The following GON4L variants were observed in gnomAD, a reference collection of about 807,000 sequenced individuals.
The protein encoded by GON4L is gon-4 like.
In GON4L, 87 loss-of-function variants were observed where a neutral mutation model predicts 211.8. The observed-to-expected ratio is 0.41, with a 90% CI of 0.35 to 0.49. The LOEUF (loss-of-function observed/expected upper bound fraction) is 0.49. Ranked by LOEUF, GON4L falls within the 20% of genes least tolerant of loss-of-function variation. The pLI is 0.15. For synonymous variants in GON4L, 875 were observed against 962.6 expected (o/e 0.91, Z 1.68); for missense variants, 2,155 against 2,659.5 (o/e 0.81, Z 4.17).
At chr1:155,809,321 T>C (rs1667461353) in intron 10 of GON4L, among the ~76,000 whole-genome samples, 1 of 152,060 alleles carries the variant, frequency 6.6e-6, no homozygotes, top group Admixed American at 6.6e-5. Context: ...ATAGTCTATC[T>C]CTCCTCAACA....
intron 10 of GON4L, among the ~76,000 whole-genome samples, chr1:155,807,129 A>G (rs999684773): frequency 1.3e-5 from 2 of 151,166 alleles, no homozygotes; most frequent in African/African-American, 4.9e-5. Flanking sequence ...ACAGAGGCTC[A>G]CATTTGTACA....
chr1:155,847,971 T>C (rs556511475), intron 2 of GON4L, among the ~76,000 whole-genome samples: 1 of 143,904 alleles, frequency 6.9e-6, no homozygotes. Flanking sequence ...TGGCAACCCC[T>C]AGAAGTTACC....
intron 2 of GON4L, among the ~76,000 whole-genome samples, chr1:155,837,815 TAC>T (rs201945756): frequency 0.03 from 4,590 of 152,222 alleles, 101 homozygotes; most frequent in Non-Finnish European, 0.046. Context: ...AATTCTAGTC[TAC>T]AGTTTCCTTG....
intron 20 of GON4L, 65 bp downstream of exon 20, chr1:155,767,360 T>C: frequency 4.3e-6 from 7 of 1,613,886 alleles, no homozygotes; most frequent in Non-Finnish European, 5.9e-6. Flanking sequence ...AGGAAGCCCT[T>C]GATATTCTCT....
At chr1:155,830,567 G>A (rs1669664803) in intron 2 of GON4L, among the ~76,000 whole-genome samples, 2 of 151,732 alleles carry the variant, frequency 1.3e-5, no homozygotes, top group African/African-American at 4.8e-5. Flanking sequence ...ACGAGCCACC[G>A]CACTTGGCCA....
At chr1:155,778,628 G>A (rs1239089862) in intron 14 of GON4L, among the ~76,000 whole-genome samples, 1 of 152,122 alleles carries the variant, frequency 6.6e-6, no homozygotes, top group African/African-American at 2.4e-5. Flanking sequence ...GTGCACCTTG[G>A]TGGTTTGCTG....
At chr1:155,818,784 A>G (rs1162920677) in intron 6 of GON4L, among the ~76,000 whole-genome samples, 1 of 150,182 alleles carries the variant, frequency 6.7e-6, no homozygotes, top group Admixed American at 6.6e-5. Flanking sequence ...GGGCGATCAC[A>G]TGGGTCAATT....
intron 18 of GON4L, among the ~76,000 whole-genome samples, chr1:155,772,404 C>T (rs1471328054): frequency 6.6e-6 from 1 of 151,958 alleles, no homozygotes; most frequent in African/African-American, 2.4e-5. Context: ...ATCGTGGTTA[C>T]ATATACACAT....
chr1:155,777,645 T>C lies in GON4L; in HGVS notation c.2068A>G (p.Arg690Gly). Residue 690 changes from arginine to glycine, a missense_variant, in exon 15 of 32, where the codon AGA becomes GGA. By Grantham distance (125) the Arg-to-Gly change is moderately radical. Coordinates refer to ENST00000368331, the MANE Select transcript of GON4L (RefSeq NM_001282860.2). ...TLILDPAQRKRLQQQMQQHVQ... is the reference protein window; with the variant it reads ...TLILDPAQRKGLQQQMQQHVQ... Reference sequence around the variant, plus strand: ...ACCTGCTGCATCTGCTGCTGGAGTCTCTTCCTCTGTGCTGGGTCCAGAATC... The same window carrying C: ...ACCTGCTGCATCTGCTGCTGGAGTCCCTTCCTCTGTGCTGGGTCCAGAATC... 6.2e-7 allele frequency: 1 copy of C among 1,613,666 alleles called. No homozygotes were observed.
chr1:155,750,630 A>G lies in GON4L; in HGVS notation c.6680T>C (p.Leu2227Pro). Reference sequence around the variant, plus strand: ...AGACAGAAGGTCCCCATGGTCAGACAGCTGGTCTGCATTGCTGGTACTGGT... The same window carrying G: ...AGACAGAAGGTCCCCATGGTCAGACGGCTGGTCTGCATTGCTGGTACTGGT... ...DATSTSNADQ[L>P]SDHGDLLSEE... The change falls in exon 32 of 32, where the codon CTG becomes CCG. Residue 2227 changes from leucine to proline, a missense_variant. Leu to Pro is a moderately conservative substitution (Grantham distance 98). Around this residue, in one of 6 missense-constraint regions of GON4L, gnomAD observed 186 missense variants for 308.1 expected, o/e 0.60. Coordinates refer to ENST00000368331, the MANE Select transcript of GON4L (RefSeq NM_001282860.2). 1 of 1,583,190 alleles carries G rather than the reference A, an allele frequency of 6.3e-7. No individual in the cohort carries two copies. The highest frequency in any genetic ancestry group is 8.7e-7 in the Non-Finnish European group (1 of 1,155,812).
At position 155,766,149 on chromosome 1, in the gene GON4L, A is replaced by G. The variant is rs769927652; in HGVS notation, c.3324T>C (p.Ser1108=). ...PKVMLPSLAP[S]KFRKPYVRRR... The stretch of plus-strand genomic sequence containing the variant: ...GTCTCACATATGGCTTTCGAAACTT[A>G]GAAGGGGCAAGGGAGGGCAGCATTA... Residue 1108 remains serine (S), a synonymous_variant, in exon 21 of 32, where the codon TCT becomes TCC. Coordinates refer to ENST00000368331, the MANE Select transcript of GON4L (RefSeq NM_001282860.2). 28 of 1,614,096 alleles carry G rather than the reference A, an allele frequency of 1.7e-5. No individual in the cohort carries two copies. The highest frequency in any genetic ancestry group is 8.9e-5 in the East Asian group (4 of 44,862).
intron 12 of GON4L, among the ~76,000 whole-genome samples, chr1:155,788,295 CA>C (rs957711272): frequency 1.3e-5 from 2 of 151,650 alleles, no homozygotes; most frequent in South Asian, 2.1e-4. Context: ...GCCCAGCCAA[CA>C]AAAAAAATTA....
At chr1:155,753,462 T>G (rs763702530) in intron 28 of GON4L, 48 bp from the exon 29 acceptor site, 1 of 1,425,554 alleles carries the variant, frequency 7.0e-7, no homozygotes, top group East Asian at 2.3e-5. Context: ...TGCCTATGTC[T>G]TTGGTTGGGG....
chr1:155,830,934 C>A (rs1669702266), intron 2 of GON4L, among the ~76,000 whole-genome samples: 1 of 152,106 alleles, frequency 6.6e-6, no homozygotes, highest in Admixed American at 6.6e-5. Context: ...GCTCTGCCTA[C>A]CAAAGTGAAT....
intron 10 of GON4L, among the ~76,000 whole-genome samples, chr1:155,808,826 T>C (rs942365774): frequency 6.6e-6 from 1 of 152,038 alleles, no homozygotes; most frequent in African/African-American, 2.4e-5. Context: ...TACCCAGGCT[T>C]GTCTTGACCT....
intron 2 of GON4L, among the ~76,000 whole-genome samples, chr1:155,833,534 T>C (rs1017457522): frequency 6.8e-6 from 1 of 147,368 alleles, no homozygotes; most frequent in African/African-American, 2.5e-5. Flanking sequence ...TAGTCCCAGC[T>C]ACTCGGGAGG....
Position 155,820,334 on chromosome 1 carries a change from T to TA in GON4L, c.1014+271dup, listed in dbSNP as rs540598793. ...ACACTTTGCAACATGTGTTGTAACATAAATAGAAAAACTGGTCTCACCTAT... is the reference window on the plus strand; with the variant it reads ...ACACTTTGCAACATGTGTTGTAACATAAAATAGAAAAACTGGTCTCACCTAT... On this transcript the variant is annotated intron_variant, in intron 6 of 31. Transcript: ENST00000368331. Among the ~76,000 whole-genome samples, 753 of 152,312 alleles carry TA rather than the reference T, an allele frequency of 4.9e-3. 3 individuals carry two copies. The highest frequency in any genetic ancestry group is 0.01 in the Middle Eastern group (3 of 294).
In GON4L at chr1:155,765,355, T is replaced by G. The variant is rs1267530702; in HGVS notation, c.4118A>C (p.Lys1373Thr). The change falls in exon 21 of 32, where the codon AAA (lysine) becomes ACA (threonine). Residue 1373 changes from lysine (K) to threonine (T), a missense_variant. Coordinates refer to ENST00000368331, the MANE Select transcript of GON4L (RefSeq NM_001282860.2). ...CTCTTCCTTCTGTAAGACTGTCTGT[T>G]TCGTTACTTCTCCAGCACTGCTCAA... Reference protein sequence around the residue: ...EELSSAGEVTKQTVLQKEEER... With the variant: ...EELSSAGEVTTQTVLQKEEER... The G allele has an allele frequency of 2.5e-6, 4 of 1,614,146 alleles. No homozygotes were observed. The highest frequency in any genetic ancestry group is 3.4e-6 in the Non-Finnish European group (4 of 1,179,994).
intron 27 of GON4L, chr1:155,756,750 A>C: frequency 7.8e-6 from 4 of 514,110 alleles, no homozygotes; most frequent in Non-Finnish European, 1.4e-5. Flanking sequence ...CATAGTGAAA[A>C]TCCATCTCTA....
Sources: gnomAD v4.1 joint callset for allele counts (sites outside exome capture counted in the v4.1 genomes callset) on GRCh38, gnomAD v4.1.1 for gene constraint, gnomAD v4.1.1 regional missense constraint, MANE v1.5 for transcripts, NCBI Gene and HGNC (gene_info 2026-07-23, HGNC 2026-07-21) for gene names.